PNPLA4: variants seen among roughly 807,000 people sequenced by gnomAD.
The protein encoded by PNPLA4 is patatin-like phospholipase domain-containing protein 4.
Under a neutral mutation model 18.3 loss-of-function variants are expected in PNPLA4, and 15 were observed. That is an observed-to-expected ratio of 0.82 (90% CI 0.55 to 1.26). PNPLA4 has a LOEUF of 1.26. Ranked by LOEUF, PNPLA4 falls within the 50% of genes most tolerant of loss-of-function variation. The pLI, the probability that PNPLA4 is intolerant of heterozygous loss-of-function variation, is 0.00. For synonymous variants in PNPLA4, 88 were observed against 85.6 expected, an observed-to-expected ratio of 1.03 and a Z score of -0.16; for missense variants, 229 against 196.8, an observed-to-expected ratio of 1.16 and a Z score of -0.98.
intron 5 of PNPLA4, among the ~76,000 whole-genome samples, chrX:7,909,213 GAAGT>G (rs1186597101): frequency 1.8e-5 from 2 of 111,709 alleles, no homozygotes; most frequent in Non-Finnish European, 3.8e-5. Flanking sequence ...TGTAAAATTG[GAAGT>G]AAGAATCCCT....
intron 4 of PNPLA4, among the ~76,000 whole-genome samples, chrX:7,915,018 G>A (rs1923994222): frequency 1.8e-5 from 2 of 112,048 alleles, no homozygotes. Flanking sequence ...ATTAGCTTTA[G>A]ATAGTTAAGA....
Position 7,902,081 on chromosome X carries a change from T to C in PNPLA4, c.538A>G (p.Thr180Ala), listed in dbSNP as rs766294092. The part of the protein sequence containing the change: ...LPILPVGRTV[T>A]ISPFSGRLDI... ...AGTCGTCCACTGAAGGGGGAGATGG[T>C]TACTGTCCGGCCGACGGGCAGGATG... Residue 180 changes from threonine (T) to alanine (A), a missense_variant, in exon 6 of 7, where the codon ACC (threonine) becomes GCC (alanine). By Grantham distance (58) the Thr-to-Ala change is moderately conservative. Coordinates refer to ENST00000381042, the MANE Select transcript of PNPLA4 (RefSeq NM_004650.3). 5 of 1,209,172 alleles carry C rather than the reference T, an allele frequency of 4.1e-6. No individual in the cohort carries two copies. The highest frequency in any genetic ancestry group is 1.8e-5 in the South Asian group (1 of 56,598).
chrX:7,902,293 A>C (rs1424595582), intron 5 of PNPLA4, 152 bp from the exon 6 acceptor site: 3 of 470,348 alleles, frequency 6.4e-6, no homozygotes, highest in Admixed American at 4.7e-5. Context: ...GGGGTAAAAC[A>C]AATCTTGGTA....
At position 7,922,048 on chromosome X, in the gene PNPLA4, A is replaced by C. The variant is rs1263212934; in HGVS notation, c.231T>G (p.Ser77=). 3 of 1,210,249 alleles carry C rather than the reference A, an allele frequency of 2.5e-6. No individual in the cohort carries two copies. Among genetic ancestry groups the C allele is most frequent in the Non-Finnish European group, 3.4e-6 (3 of 894,236 alleles). ...CATAACCGGGCGTTACTGCCCCGAA[A>C]GACTGCCTTCTGATTTCTTCGGCAA... The part of the protein sequence containing the change: ...YKFAEEIRRQ[S]FGAVTPGYDF... The change falls in exon 3 of 7, where the codon TCT becomes TCG. Residue 77 remains serine, a synonymous_variant. Coordinates refer to ENST00000381042, the MANE Select transcript of PNPLA4 (RefSeq NM_004650.3).
intron 5 of PNPLA4, among the ~76,000 whole-genome samples, chrX:7,907,515 A>G (rs757460118): frequency 2.7e-5 from 3 of 112,191 alleles, no homozygotes; most frequent in Non-Finnish European, 5.6e-5. Flanking sequence ...ATTCCTGTGG[A>G]TTTATTCTAC....
At chrX:7,925,301 A>T (rs1490541704) in intron 2 of PNPLA4, among the ~76,000 whole-genome samples, 2 of 112,571 alleles carry the variant, frequency 1.8e-5, no homozygotes, top group East Asian at 2.8e-4. Flanking sequence ...ATGATTAACA[A>T]ATATAATATT....
chrX:7,905,582 G>T (rs1485978508), intron 5 of PNPLA4, among the ~76,000 whole-genome samples: 1 of 112,436 alleles, frequency 8.9e-6, no homozygotes, highest in Non-Finnish European at 1.9e-5. Context: ...AAAATACTTT[G>T]CTGGAAGAAT....
In PNPLA4 at chrX:7,899,657, G is replaced by C. The variant is rs1018050347; in HGVS notation, c.*1029C>G. 2 of 100,996 alleles carry C rather than the reference G, an allele frequency of 2.0e-5. No homozygotes were observed. Among genetic ancestry groups the C allele is most frequent in the Non-Finnish European group, 4.1e-5 (2 of 49,272 alleles). The allele number at this position is 100,996 out of a possible 1,213,427, so 8.3% of individuals were successfully genotyped here. A position where few individuals can be genotyped will look rare whatever the true frequency, so the allele number is the denominator to read the frequency against. On this transcript the variant is annotated 3_prime_UTR_variant, in exon 7 of 7. Transcript: ENST00000381042. ...AGAGAGAGAGAGAGAGAGAGAGAGA[G>C]AGAGAGAGAGAGAGAGAGAGAGAAT...
rs779464910 is a variant in PNPLA4 at position 7,900,497 on chromosome X, G to A, written c.*189C>T. The A allele has an allele frequency of 5.0e-5, 15 of 302,793 alleles. No individual in the cohort carries two copies. The South Asian group carries it at 9.9e-4, about 20-fold the overall frequency. 25.0% of individuals were successfully genotyped at this position (302,793 alleles called of 1,213,427 possible). A position where few individuals can be genotyped will look rare whatever the true frequency, so the allele number is the denominator to read the frequency against. ...ACCTAAGTGTATCCTTCTTAATGAC[G>A]TTGTCAAATTCTAATAAAGTGCCTC... On this transcript the variant is annotated 3_prime_UTR_variant, in exon 7 of 7. Coordinates refer to ENST00000381042, the MANE Select transcript of PNPLA4 (RefSeq NM_004650.3).
At chrX:7,926,501 C>T (rs1039088184) in intron 1 of PNPLA4, among the ~76,000 whole-genome samples, 1 of 111,836 alleles carries the variant, frequency 8.9e-6, no homozygotes, top group African/African-American at 3.3e-5. Context: ...GGGGGCGGCA[C>T]TACCATTATG....
At chrX:7,921,599 C>G (rs1319337219) in intron 4 of PNPLA4, 114 bp downstream of exon 4, 1 of 662,779 alleles carries the variant, frequency 1.5e-6, no homozygotes, top group Non-Finnish European at 2.4e-6. Flanking sequence ...AACCATCTAT[C>G]GGGCCTGGTA....
rs779856563 is a variant in PNPLA4, at chrX:7,921,811, C to T, written c.313G>A (p.Glu105Lys). ...MESILPPSAH[E>K]LAQNRLHVSI... ...ACGTGCAGTCGGTTCTGGGCCAGCT[C>T]GTGAGCGCTGGGAGGAAGAATCGAC... Residue 105 changes from glutamate to lysine, a missense_variant, in exon 4 of 7, where the codon GAG becomes AAG. Glu to Lys is a moderately conservative substitution (Grantham distance 56). Coordinates refer to ENST00000381042, the MANE Select transcript of PNPLA4 (RefSeq NM_004650.3). The T allele has an allele frequency of 8.3e-6, 10 of 1,205,831 alleles. No individual in the cohort carries two copies. The highest frequency in any genetic ancestry group is 7.1e-5 in the South Asian group (4 of 56,604).
rs1221238506 is a variant in PNPLA4 at position 7,898,829 on chromosome X, C to CA, written c.*1856dup. 1.8e-5 allele frequency: 2 copies of CA among 111,547 alleles called. No homozygotes were observed. Among genetic ancestry groups the CA allele is most frequent in the Non-Finnish European group, 3.8e-5 (2 of 53,109 alleles). 9.2% of individuals were successfully genotyped at this position (111,547 alleles called of 1,213,427 possible). On this transcript the variant is annotated 3_prime_UTR_variant, in exon 7 of 7. Coordinates refer to ENST00000381042, the MANE Select transcript of PNPLA4 (RefSeq NM_004650.3). ...GGGTCAAATACATATGTAGTCGATA[C>CA]AAGATACTTCAAAAAAGTCTTATAC...
At chrX:7,926,199 T>C (rs1208025476) in intron 1 of PNPLA4, 67 bp from the exon 2 acceptor site, 10 of 789,540 alleles carry the variant, frequency 1.3e-5, no homozygotes, top group African/African-American at 4.1e-5. Flanking sequence ...TGTAGTCTTA[T>C]GTTGATCATC....
At chrX:7,914,347 G>A (rs1296904668) in intron 4 of PNPLA4, among the ~76,000 whole-genome samples, 1 of 111,664 alleles carries the variant, frequency 9.0e-6, no homozygotes, top group African/African-American at 3.3e-5. Context: ...AGGAGAGAGA[G>A]GACAGAAAGC....
Position 7,926,107 on chromosome X carries a change from T to C in PNPLA4, c.13A>G (p.Asn5Asp), listed in dbSNP as rs762219145. 2 of 1,208,036 alleles carry C rather than the reference T, an allele frequency of 1.7e-6. No individual in the cohort carries two copies. The highest frequency in any genetic ancestry group is 1.1e-6 in the Non-Finnish European group (1 of 893,164). The change falls in exon 2 of 7, where the codon AAC becomes GAC. Residue 5 changes from asparagine to aspartate, a missense_variant. By Grantham distance (23) the Asn-to-Asp change is conservative. Transcript: ENST00000381042. ...AATCCACACGCTGCAAATGATAGGTTGATGTGCTTCATTCTAGCTGTAGCA... is the reference window on the plus strand; with the variant it reads ...AATCCACACGCTGCAAATGATAGGTCGATGTGCTTCATTCTAGCTGTAGCA... MKHI[N>D]LSFAACGFLG...
At chrX:7,908,363 T>A (rs1444025553) in intron 5 of PNPLA4, among the ~76,000 whole-genome samples, 1 of 112,140 alleles carries the variant, frequency 8.9e-6, no homozygotes, top group East Asian at 2.8e-4. Flanking sequence ...CTGAGCTGTA[T>A]GAAAACATGA....
At chrX:7,919,857 T>C (rs1470628149) in intron 4 of PNPLA4, among the ~76,000 whole-genome samples, 1 of 112,131 alleles carries the variant, frequency 8.9e-6, no homozygotes, top group Non-Finnish European at 1.9e-5. Context: ...GCCCAGGTCA[T>C]ACAGTATGGA....
At chrX:7,918,775 C>T (rs1205402855) in intron 4 of PNPLA4, among the ~76,000 whole-genome samples, 2 of 111,697 alleles carry the variant, frequency 1.8e-5, no homozygotes, top group African/African-American at 6.5e-5. Context: ...CCACTTCTTT[C>T]ACCGGAACAT....
Sources: allele counts gnomAD v4.1 joint callset (sites outside exome capture counted in the v4.1 genomes callset), GRCh38; gene constraint gnomAD v4.1.1; transcripts MANE v1.5; gene names NCBI Gene and HGNC (gene_info 2026-07-23, HGNC 2026-07-21).